Variants in CSMD2 observed in about 807,000 individuals in gnomAD.
CSMD2 encodes CUB and Sushi multiple domains 2.
In CSMD2, 130 loss-of-function variants were observed where a neutral mutation model predicts 398.5. That is an observed-to-expected ratio of 0.33 (90% CI 0.28 to 0.38). The LOEUF is 0.38. Ranked by LOEUF, CSMD2 falls within the 10% of genes least tolerant of loss-of-function variation. The pLI, the probability that CSMD2 is intolerant of heterozygous loss-of-function variation, is 1.00. For synonymous variants in CSMD2, 1,828 were observed against 1,908.5 expected (o/e 0.96, Z 1.10); for missense variants, 3,829 against 4,764.9 (o/e 0.80, Z 5.78).
chr1:33,884,001 G>T (rs1005711143), intron 5 of CSMD2, among the ~76,000 whole-genome samples: 3 of 152,130 alleles, frequency 2.0e-5, no homozygotes, highest in Admixed American at 1.3e-4. Context: ...GGCCAGGCAG[G>T]AAGCTAGAGG....
chr1:33,608,555 C>T (rs1243985994), intron 41 of CSMD2, among the ~76,000 whole-genome samples: 1 of 152,148 alleles, frequency 6.6e-6, no homozygotes, highest in Non-Finnish European at 1.5e-5. Context: ...AGGATCTTTA[C>T]CAAACTTATG....
chr1:33,769,651 T>C (rs1404110293), intron 13 of CSMD2, among the ~76,000 whole-genome samples: 1 of 152,154 alleles, frequency 6.6e-6, no homozygotes, highest in Non-Finnish European at 1.5e-5. Flanking sequence ...AGGAAGAGTG[T>C]ATTTGTGTAT....
chr1:33,987,621 A>C (rs1288975128), intron 3 of CSMD2, among the ~76,000 whole-genome samples: 4 of 152,134 alleles, frequency 2.6e-5, no homozygotes, highest in African/African-American at 7.2e-5. Flanking sequence ...TCTGTGGATA[A>C]ATTGCAAGGC....
At chr1:33,614,764 T>C in intron 39 of CSMD2, 144 bp from the exon 40 acceptor site, 1 of 586,820 alleles carries the variant, frequency 1.7e-6, no homozygotes, top group Middle Eastern at 3.6e-4. Flanking sequence ...GGAATCTTCT[T>C]AAAAGACTAA....
intron 25 of CSMD2, among the ~76,000 whole-genome samples, chr1:33,673,738 G>A (rs1433952311): frequency 1.3e-5 from 2 of 152,194 alleles, no homozygotes; most frequent in Non-Finnish European, 2.9e-5. Flanking sequence ...ACAAAGGGAA[G>A]CCCATCAGAC....
At chr1:33,623,312 C>A in intron 36 of CSMD2, 58 bp downstream of exon 36, 2 of 1,075,362 alleles carry the variant, frequency 1.9e-6, no homozygotes, top group South Asian at 1.3e-5. Context: ...TAACAATGTT[C>A]ATGATGATGA....
intron 17 of CSMD2, 101 bp from the exon 18 acceptor site, chr1:33,724,805 G>A: frequency 8.8e-7 from 1 of 1,134,872 alleles, no homozygotes; most frequent in South Asian, 1.6e-5. Flanking sequence ...GTTTATTAAA[G>A]GCAGAAGTTG....
intron 37 of CSMD2, among the ~76,000 whole-genome samples, chr1:33,620,731 T>C (rs1428212338): frequency 2.0e-5 from 3 of 151,094 alleles, no homozygotes; most frequent in Non-Finnish European, 4.4e-5. Flanking sequence ...AAGCCTTACA[T>C]ATCTGCTGGA....
intron 10 of CSMD2, among the ~76,000 whole-genome samples, chr1:33,804,517 G>A (rs955863249): frequency 2.0e-5 from 3 of 149,412 alleles, no homozygotes; most frequent in African/African-American, 7.4e-5. Context: ...TTCCCATAGC[G>A]CTCTGGACAT....
chr1:33,792,338 G>A, intron 11 of CSMD2, 85 bp downstream of exon 11: 1 of 870,164 alleles, frequency 1.1e-6, no homozygotes, highest in East Asian at 2.4e-5. Context: ...GTATGGTCTA[G>A]GGACCAGGCA....
chr1:33,905,019 G>C (rs1250907142), intron 5 of CSMD2, among the ~76,000 whole-genome samples: 1 of 151,760 alleles, frequency 6.6e-6, no homozygotes, highest in Non-Finnish European at 1.5e-5. Context: ...TGCTCAAGCT[G>C]GTCTTGAACT....
At chr1:33,928,040 C>T (rs1285789306) in intron 4 of CSMD2, among the ~76,000 whole-genome samples, 2 of 152,190 alleles carry the variant, frequency 1.3e-5, no homozygotes, top group Non-Finnish European at 2.9e-5. Flanking sequence ...GCAGGGGATG[C>T]CTGCACCTGC....
chr1:33,581,018 C>G, intron 47 of CSMD2, 119 bp from the exon 48 acceptor site: 1 of 888,668 alleles, frequency 1.1e-6, no homozygotes, highest in South Asian at 1.8e-5. Context: ...ATCATTTGTA[C>G]TTGCACTCCT....
chr1:33,684,648 C>T (rs187105048), intron 25 of CSMD2, among the ~76,000 whole-genome samples: 2 of 152,214 alleles, frequency 1.3e-5, no homozygotes, highest in African/African-American at 2.4e-5. Context: ...CTCATATCCC[C>T]CCTAGACAAT....
intron 10 of CSMD2, among the ~76,000 whole-genome samples, chr1:33,798,299 C>T (rs1443212140): frequency 6.6e-6 from 1 of 152,148 alleles, no homozygotes; most frequent in Non-Finnish European, 1.5e-5. Flanking sequence ...ATAAACAAAC[C>T]CATCATCTAG....
intron 5 of CSMD2, chr1:33,864,550 T>C: frequency 6.2e-7 from 1 of 1,613,996 alleles, no homozygotes. Context: ...AACTGGTCGG[T>C]GGTGCAGGTG....
At chr1:33,749,176 C>A (rs1569702848) in intron 13 of CSMD2, among the ~76,000 whole-genome samples, 1 of 142,886 alleles carries the variant, frequency 7.0e-6, no homozygotes, top group Non-Finnish European at 1.5e-5. Flanking sequence ...CGGCTCACTG[C>A]AGGCTCCACC....
chr1:33,975,941 C>T (rs55738811), intron 3 of CSMD2, among the ~76,000 whole-genome samples: 7,141 of 152,330 alleles, frequency 0.047, 258 homozygotes, highest in East Asian at 0.17. Flanking sequence ...ATGCTCACCC[C>T]AGCAGCTCCA....
In CSMD2 at chr1:33,567,852, G is replaced by A. The variant is rs1485781037; in HGVS notation, c.8132-11C>T. On this transcript the variant is annotated splice_polypyrimidine_tract_variant and intron_variant, in intron 52 of 70. Coordinates refer to ENST00000373381, the MANE Select transcript of CSMD2 (RefSeq NM_001281956.2). ...GCTTGGTCTGAGTGGCTAGAGACAGGGATGGTGGGGAAAAGGACCAACTAT... is the reference window on the plus strand; with the variant it reads ...GCTTGGTCTGAGTGGCTAGAGACAGAGATGGTGGGGAAAAGGACCAACTAT... The A allele has an allele frequency of 1.3e-6, 2 of 1,559,386 alleles. No individual in the cohort carries two copies. Among genetic ancestry groups the A allele is most frequent in the East Asian group, 2.4e-5 (1 of 41,512 alleles).
Sources: gnomAD v4.1 joint callset for allele counts (sites outside exome capture counted in the v4.1 genomes callset) on GRCh38, gnomAD v4.1.1 for gene constraint, MANE v1.5 for transcripts, NCBI Gene and HGNC (gene_info 2026-07-23, HGNC 2026-07-21) for gene names.